Variants in CCDC88C observed in about 807,000 individuals in gnomAD.
CCDC88C encodes protein Daple.
Under a neutral mutation model 198.8 loss-of-function variants are expected in CCDC88C, and 131 were observed. The observed-to-expected ratio is 0.66, with a 90% CI of 0.57 to 0.76. The LOEUF (loss-of-function observed/expected upper bound fraction) is 0.76. Among genes scored for constraint, CCDC88C ranks in the 30% least tolerant of loss-of-function variants. The pLI is 0.00. For missense variants in CCDC88C, 2,553 were observed against 2,631.6 expected (o/e 0.97, Z 0.65); for synonymous variants, 1,166 against 1,114.7 (o/e 1.05, Z -0.92).
At chr14:91,406,553 C>A (rs1432018754) in intron 3 of CCDC88C, among the ~76,000 whole-genome samples, 2 of 152,252 alleles carry the variant, frequency 1.3e-5, no homozygotes, top group Admixed American at 1.3e-4. Flanking sequence ...GAAGACTTCC[C>A]CAACTGCCCG....
In CCDC88C at chr14:91,289,308, T is replaced by G; in HGVS notation, c.4238A>C (p.Lys1413Thr). 1 of 1,614,044 alleles carries G rather than the reference T, an allele frequency of 6.2e-7. No homozygotes were observed. Among genetic ancestry groups the G allele is most frequent in the Non-Finnish European group, 8.5e-7 (1 of 1,179,880 alleles). ...ACCCTCTTTCTTTGGTTTGATGAGT[T>G]TGACTAAGGCTTTGGCTCCAATCCA... ...NHWIGAKALV[K>T]LIKPKKEGSR... is the part of the protein sequence containing the mutation. Residue 1413 changes from lysine to threonine, a missense_variant, in exon 25 of 30, where the codon AAA (lysine) becomes ACA (threonine). Physicochemically the swap from Lys to Thr is moderately conservative, Grantham distance 78. Coordinates refer to ENST00000389857, the MANE Select transcript of CCDC88C (RefSeq NM_001080414.4).
At chr14:91,342,901 C>T (rs1359469025) in intron 5 of CCDC88C, among the ~76,000 whole-genome samples, 2 of 152,326 alleles carry the variant, frequency 1.3e-5, no homozygotes, top group East Asian at 1.9e-4. Flanking sequence ...TCAGCTCTGT[C>T]GCTGTAGTGG....
At position 91,299,932 on chromosome 14, in the gene CCDC88C, CAG is replaced by C; in HGVS notation, c.3772_3773del (p.Leu1258GlyfsTer64). On this transcript the variant is annotated frameshift_variant, in exon 21 of 30. Transcript: ENST00000389857. LOFTEE classifies it high-confidence loss of function. ...GGCCGGGCGCCGGCGCTCACCTGTC[CAG>C]CTCGCCCCGCAGCCTCTGGTTCTCG... is the stretch of plus-strand genomic sequence containing the variant. ...MGENQRLRGE[L>X]DRVNFLHHQL... 6.3e-7 allele frequency: 1 copy of C among 1,586,324 alleles called. No homozygotes were observed. Among genetic ancestry groups the C allele is most frequent in the Non-Finnish European group, 8.5e-7 (1 of 1,170,664 alleles).
chr14:91,303,814 C>T lies in CCDC88C; in HGVS notation c.3522G>A (p.Leu1174=). Residue 1174 remains leucine, a synonymous_variant, in exon 20 of 30, where the codon CTG becomes CTA. Coordinates refer to ENST00000389857, the MANE Select transcript of CCDC88C (RefSeq NM_001080414.4). ...YEALLQDHEH[L]GTLHERQSAE... ...CCGATTGCCGCTCGTGCAGCGTGCC[C>T]AGGTGCTCGTGGTCCTGCAGCAGGG... The T allele has an allele frequency of 1.2e-6, 2 of 1,613,414 alleles. No individual in the cohort carries two copies. Among genetic ancestry groups the T allele is most frequent in the Non-Finnish European group, 1.7e-6 (2 of 1,179,906 alleles).
Position 91,339,974 on chromosome 14 carries a change from G to C in CCDC88C, c.534C>G (p.Pro178=). The change falls in exon 7 of 30, where the codon CCC becomes CCG. Residue 178 remains proline (P), a synonymous_variant. Transcript: ENST00000389857. This position sits in a 1 kb window ranked among gnomAD's most constrained non-coding sequence, Gnocchi z 5.8. The part of the protein sequence containing the change: ...NVFDLQWLEL[P]DVAPEELEAL... ...CCTCCAGCTCCTCCGGAGCCACGTCGGGCAGCTCCAGCCACTGCAGGTCAA... is the reference window on the plus strand; with the variant it reads ...CCTCCAGCTCCTCCGGAGCCACGTCCGGCAGCTCCAGCCACTGCAGGTCAA... The C allele has an allele frequency of 1.2e-6, 2 of 1,604,364 alleles. No individual in the cohort carries two copies. The highest frequency in any genetic ancestry group is 1.7e-6 in the Non-Finnish European group (2 of 1,176,454).
intron 16 of CCDC88C, among the ~76,000 whole-genome samples, chr14:91,308,923 G>A (rs1390172378): frequency 2.6e-5 from 4 of 152,258 alleles, no homozygotes; most frequent in South Asian, 2.1e-4. Flanking sequence ...CAAGATGTTC[G>A]ATTTCCCAAA....
At chr14:91,306,445 C>A (rs1257718278) in intron 18 of CCDC88C, among the ~76,000 whole-genome samples, 4 of 152,212 alleles carry the variant, frequency 2.6e-5, no homozygotes, top group Non-Finnish European at 4.4e-5. Context: ...TTTTACTATC[C>A]CTTATTAGCA....
chr14:91,312,950 T>C (rs867697073), intron 15 of CCDC88C, 130 bp downstream of exon 15: 29 of 679,014 alleles, frequency 4.3e-5, no homozygotes, highest in Middle Eastern at 5.6e-4. Context: ...CCTTTAGGTA[T>C]TGCTGTTTAG....
chr14:91,316,537 C>G (rs1005522901), intron 13 of CCDC88C, among the ~76,000 whole-genome samples: 1 of 152,132 alleles, frequency 6.6e-6, no homozygotes, highest in African/African-American at 2.4e-5. Flanking sequence ...ATTTTCCTGC[C>G]TCAGCCTCCT....
intron 12 of CCDC88C, among the ~76,000 whole-genome samples, chr14:91,322,226 G>T (rs971248033): frequency 6.6e-6 from 1 of 152,176 alleles, no homozygotes; most frequent in African/African-American, 2.4e-5. Flanking sequence ...GGGGCTGTGG[G>T]TACAGGGGGG....
chr14:91,388,392 C>T (rs1478599110), intron 3 of CCDC88C, among the ~76,000 whole-genome samples: 1 of 152,204 alleles, frequency 6.6e-6, no homozygotes, highest in East Asian at 1.9e-4. Flanking sequence ...AGCTTCTCAA[C>T]GTTCTTGACA....
intron 12 of CCDC88C, among the ~76,000 whole-genome samples, chr14:91,321,920 A>G (rs1892372794): frequency 1.3e-5 from 2 of 152,302 alleles, no homozygotes; most frequent in Admixed American, 1.3e-4. Context: ...AAAATAGTAA[A>G]AGGCAGACTA....
intron 4 of CCDC88C, 106 bp downstream of exon 4, chr14:91,359,536 C>T (rs1162913681): frequency 3.6e-6 from 3 of 826,958 alleles, no homozygotes; most frequent in South Asian, 1.5e-5. Flanking sequence ...CACGTGTTTT[C>T]ACTGTGCTGG....
rs565451133 is a variant in CCDC88C, at chr14:91,389,841, G to T, written c.270+18818C>A. 7.6e-4 allele frequency among the ~76,000 whole-genome samples: 116 copies of T among 152,128 alleles called. 1 individual carries two copies. The highest frequency in any genetic ancestry group is 2.3e-3 in the African/African-American group (94 of 41,554). On this transcript the variant is annotated intron_variant, in intron 3 of 29. Transcript: ENST00000389857. ...TAATCCCAGCACTTTGGGAGGCCGA[G>T]GCGGGCGGATCACAAGGTCAGGAGA... is the stretch of plus-strand genomic sequence containing the variant.
chr14:91,329,140 A>C (rs1485737001), intron 10 of CCDC88C, among the ~76,000 whole-genome samples: 1 of 152,210 alleles, frequency 6.6e-6, no homozygotes, highest in Non-Finnish European at 1.5e-5. Context: ...CTTCATGGAC[A>C]TCCCTTGAAC....
At chr14:91,292,214 C>T (rs1192520540) in intron 23 of CCDC88C, among the ~76,000 whole-genome samples, 1 of 152,234 alleles carries the variant, frequency 6.6e-6, no homozygotes, top group Non-Finnish European at 1.5e-5. Context: ...GTGTTCTGTG[C>T]TCACGGCCGT....
rs1220248453 is a variant in CCDC88C, at chr14:91,338,566, C to T, written c.814G>A (p.Asp272Asn). 6.4e-7 allele frequency: 1 copy of T among 1,562,146 alleles called. No homozygotes were observed. The highest frequency in any genetic ancestry group is 8.7e-7 in the Non-Finnish European group (1 of 1,153,178). The change falls in exon 9 of 30, where the codon GAT (aspartate) becomes AAT (asparagine). Residue 272 changes from aspartate (D) to asparagine (N), a missense_variant. Transcript: ENST00000389857. This position sits in a 1 kb window ranked among gnomAD's most constrained non-coding sequence, Gnocchi z 4.8. Reference sequence around the variant, plus strand: ...GTGTCCACAAGCTGCTCTGTCTTATCCTCCCTGCAGAGGCAGTAAGGAGAA... The same window carrying T: ...GTGTCCACAAGCTGCTCTGTCTTATTCTCCCTGCAGAGGCAGTAAGGAGAA... ...RLRRVRQELEDKTEQLVDTRH... is the reference protein window; with the variant it reads ...RLRRVRQELENKTEQLVDTRH...
chr14:91,346,288 C>A (rs1371075788), intron 4 of CCDC88C, among the ~76,000 whole-genome samples: 3 of 152,232 alleles, frequency 2.0e-5, no homozygotes, highest in African/African-American at 4.8e-5. Context: ...CCCCGCCCCC[C>A]AGCCTGAAGG....
chr14:91,395,685 G>T (rs1321201612), intron 3 of CCDC88C, among the ~76,000 whole-genome samples: 6 of 151,928 alleles, frequency 3.9e-5, no homozygotes, highest in Non-Finnish European at 4.4e-5. Context: ...CCCTCCCCAG[G>T]CCACCAGCCC....
Sources: gnomAD v4.1 joint callset for allele counts (sites outside exome capture counted in the v4.1 genomes callset) on GRCh38, gnomAD v4.1.1 for gene constraint, Gnocchi (gnomAD v3.1) non-coding constraint, MANE v1.5 for transcripts, NCBI Gene and HGNC (gene_info 2026-07-23, HGNC 2026-07-21) for gene names.